Variants in EXOC6 observed in about 807,000 individuals in gnomAD.
EXOC6 encodes exocyst complex component 6.
A neutral mutation model predicts 112.5 loss-of-function variants in EXOC6; 60 were observed. The observed-to-expected ratio is 0.53, with a 90% CI of 0.43 to 0.66. The LOEUF (loss-of-function observed/expected upper bound fraction) is 0.66, where lower values mean the gene tolerates loss of function less well. Ranked by LOEUF, EXOC6 falls within the 30% of genes least tolerant of loss-of-function variation. EXOC6 has a pLI of 0.00. For missense variants in EXOC6, 855 were observed against 957.1 expected (o/e 0.89, Z 1.41); for synonymous variants, 295 against 308.0 (o/e 0.96, Z 0.44).
chr10:92,940,913 T>C, intron 13 of EXOC6, 89 bp downstream of exon 13: 1 of 848,690 alleles, frequency 1.2e-6, no homozygotes, highest in East Asian at 2.7e-5. Context: ...AAAATGCTTA[T>C]AATCATTTTT....
intron 14 of EXOC6, among the ~76,000 whole-genome samples, chr10:92,951,931 C>T (rs976731518): frequency 5.3e-5 from 8 of 152,144 alleles, no homozygotes; most frequent in Non-Finnish European, 1.2e-4. Flanking sequence ...CACCCTGACT[C>T]TTGTATGATA....
At chr10:92,866,576 TTTAAA>T (rs1187382977) in intron 1 of EXOC6, among the ~76,000 whole-genome samples, 3 of 152,080 alleles carry the variant, frequency 2.0e-5, no homozygotes, top group South Asian at 2.1e-4. Context: ...TTCATACATG[TTTAAA>T]TTAAAAGTTT....
At chr10:93,032,053 T>C (rs1845302857) in intron 20 of EXOC6, among the ~76,000 whole-genome samples, 1 of 151,834 alleles carries the variant, frequency 6.6e-6, no homozygotes, top group Non-Finnish European at 1.5e-5. Context: ...TATGAATAAT[T>C]TGTAGTTTTC....
chr10:93,045,553 G>T (rs1487509392), intron 20 of EXOC6, among the ~76,000 whole-genome samples: 4 of 152,130 alleles, frequency 2.6e-5, no homozygotes, highest in South Asian at 4.1e-4. Flanking sequence ...TTTTTCATTG[G>T]CTAATTCATA....
rs1846637034 is a variant in EXOC6, at chr10:93,058,247, C to A, written c.2307C>A (p.Asn769Lys). The A allele has an allele frequency of 6.2e-7, 1 of 1,605,944 alleles. No individual in the cohort carries two copies. The highest frequency in any genetic ancestry group is 8.5e-7 in the Non-Finnish European group (1 of 1,178,112). ...LEKMKDTSKK[N>K]NIFAQFRKND... ...GGATGAAGGATACTAGCAAAAAGAA[C>A]AATATATTTGCTCAGTTCAGGAAGA... is the stretch of plus-strand genomic sequence containing the variant. The change falls in exon 22 of 22, where the codon AAC becomes AAA. Residue 769 changes from asparagine (N) to lysine (K), a missense_variant. Physicochemically the swap from Asn to Lys is moderately conservative, Grantham distance 94. Coordinates refer to ENST00000260762, the MANE Select transcript of EXOC6 (RefSeq NM_019053.6).
chr10:92,992,900 AATTT>A (rs1335492799), intron 18 of EXOC6, among the ~76,000 whole-genome samples: 3 of 151,712 alleles, frequency 2.0e-5, no homozygotes, highest in East Asian at 1.9e-4. Flanking sequence ...TTAATTTATG[AATTT>A]ATTCATTCAT....
Position 93,046,888 on chromosome 10 carries a change from A to G in EXOC6, c.2170-10036A>G, listed in dbSNP as rs1201012451. On this transcript the variant is annotated intron_variant, in intron 20 of 21. Coordinates refer to ENST00000260762, the MANE Select transcript of EXOC6 (RefSeq NM_019053.6). Reference sequence around the variant, plus strand: ...GCTGGGATTACAGGTGTGAGCCACCACGCCTGGCCCAGTCATGGTTTCTAG... The same window carrying G: ...GCTGGGATTACAGGTGTGAGCCACCGCGCCTGGCCCAGTCATGGTTTCTAG... Among the ~76,000 whole-genome samples the G allele has an allele frequency of 2.6e-5, 4 of 152,096 alleles. No homozygotes were observed. In the East Asian group the frequency reaches 7.8e-4, roughly 30 times the overall value.
intron 15 of EXOC6, 71 bp from the exon 16 acceptor site, chr10:92,954,559 A>G (rs1390751524): frequency 5.6e-6 from 4 of 710,436 alleles, no homozygotes; most frequent in Non-Finnish European, 9.3e-6. Flanking sequence ...AAACTGTGTT[A>G]AATTATTTAG....
intron 1 of EXOC6, among the ~76,000 whole-genome samples, chr10:92,892,813 C>T (rs975414729): frequency 2.0e-5 from 3 of 152,134 alleles, no homozygotes; most frequent in Middle Eastern, 3.2e-3. Flanking sequence ...ACCCTGGAGC[C>T]GGACTATCAG....
At chr10:92,976,547 G>C (rs1445987629) in intron 18 of EXOC6, among the ~76,000 whole-genome samples, 2 of 151,282 alleles carry the variant, frequency 1.3e-5, no homozygotes, top group Admixed American at 1.3e-4. Flanking sequence ...AGGGTCCTCT[G>C]CCTAGGAAAA....
chr10:93,044,897 C>CT (rs1464264650), intron 20 of EXOC6, among the ~76,000 whole-genome samples: 1 of 152,084 alleles, frequency 6.6e-6, no homozygotes, highest in Non-Finnish European at 1.5e-5. Context: ...TTTGGAGACA[C>CT]TGTCTCATTC....
At chr10:92,835,862 C>A (rs1334586757) in intron 1 of EXOC6, among the ~76,000 whole-genome samples, 1 of 152,078 alleles carries the variant, frequency 6.6e-6, no homozygotes, top group Non-Finnish European at 1.5e-5. Context: ...ATTACATATA[C>A]CTTTGTCTTA....
chr10:92,833,203 G>T (rs1383293966), upstream of EXOC6, among the ~76,000 whole-genome samples: 1 of 152,180 alleles, frequency 6.6e-6, no homozygotes, highest in East Asian at 1.9e-4. Context: ...TATTGCTCTT[G>T]TGTCTGTGGT....
intron 17 of EXOC6, among the ~76,000 whole-genome samples, chr10:92,959,627 T>C (rs7905234): frequency 0.095 from 14,522 of 152,248 alleles, 772 homozygotes; most frequent in Admixed American, 0.17. Context: ...TAAAGGACTC[T>C]TGTCTGAAAT....
At chr10:93,034,950 T>C (rs1233840854) in intron 20 of EXOC6, among the ~76,000 whole-genome samples, 1 of 152,220 alleles carries the variant, frequency 6.6e-6, no homozygotes, top group Non-Finnish European at 1.5e-5. Flanking sequence ...TGACTAGATA[T>C]AGTAGCAGGA....
intron 12 of EXOC6, 24 bp from the exon 13 acceptor site, chr10:92,940,703 C>CTTTTT: frequency 1.6e-6 from 2 of 1,230,500 alleles, no homozygotes; most frequent in East Asian, 2.6e-5. Context: ...TGTTTATCTG[C>CTTTTT]TTTTTTTTTT....
At chr10:92,884,409 GACT>G (rs1461319338) in intron 1 of EXOC6, among the ~76,000 whole-genome samples, 6 of 152,182 alleles carry the variant, frequency 3.9e-5, no homozygotes, top group African/African-American at 1.4e-4. Context: ...GTCAGCCAGT[GACT>G]AGCATTTTAA....
chr10:92,880,193 C>G (rs556066475), intron 1 of EXOC6, among the ~76,000 whole-genome samples: 2 of 152,084 alleles, frequency 1.3e-5, no homozygotes, highest in East Asian at 1.9e-4. Flanking sequence ...TACATATAAC[C>G]TATGCACATA....
chr10:92,900,160 G>A (rs1189820818), intron 5 of EXOC6: 1 of 152,452 alleles, frequency 6.6e-6, no homozygotes, highest in East Asian at 1.9e-4. Flanking sequence ...CAGGTGTCAT[G>A]GCTCATGCTT....
Sources: gnomAD v4.1 joint callset for allele counts (sites outside exome capture counted in the v4.1 genomes callset) on GRCh38, gnomAD v4.1.1 for gene constraint, MANE v1.5 for transcripts, NCBI Gene and HGNC (gene_info 2026-07-23, HGNC 2026-07-21) for gene names.